Variants in LDB2 observed in about 807,000 individuals in gnomAD.
LDB2 encodes LIM domain-binding protein 2.
In LDB2, 12 loss-of-function variants were observed where a neutral mutation model predicts 44.3. The observed-to-expected ratio is 0.27, with a 90% confidence interval of 0.17 to 0.44. The LOEUF is 0.44. LDB2 is among the 20% of genes least tolerant of loss of function. The pLI, the probability that LDB2 is intolerant of heterozygous loss-of-function variation, is 1.00. For synonymous variants in LDB2, 164 were observed against 174.8 expected, an observed-to-expected ratio of 0.94 and a Z score of 0.49; for missense variants, 344 against 473.5, an observed-to-expected ratio of 0.73 and a Z score of 2.54.
intron 1 of LDB2, 24 bp from the exon 2 acceptor site, chr4:16,759,284 T>A (rs747751985): frequency 1.3e-6 from 2 of 1,499,320 alleles, no homozygotes; most frequent in South Asian, 1.1e-5. Context: ...GATCATTTAT[T>A]TAACAAGGGA....
intron 1 of LDB2, among the ~76,000 whole-genome samples, chr4:16,872,593 A>C (rs1717041584): frequency 6.6e-6 from 1 of 152,224 alleles, no homozygotes; most frequent in African/African-American, 2.4e-5. Flanking sequence ...GATACTTAAC[A>C]ACAAAAAAAA....
intron 2 of LDB2, among the ~76,000 whole-genome samples, chr4:16,715,142 T>C (rs144597418): frequency 0.011 from 1,678 of 152,274 alleles, 31 homozygotes; most frequent in African/African-American, 0.037. Context: ...TTGTATTGTA[T>C]GCATTTTACC....
chr4:16,829,897 G>A (rs566317049), intron 1 of LDB2, among the ~76,000 whole-genome samples: 2 of 152,206 alleles, frequency 1.3e-5, no homozygotes, highest in East Asian at 3.9e-4. Context: ...ACGAGGTCAA[G>A]AGATTGAGAC....
At chr4:16,518,913 C>A (rs564402374) in intron 5 of LDB2, among the ~76,000 whole-genome samples, 1 of 152,302 alleles carries the variant, frequency 6.6e-6, no homozygotes, top group East Asian at 1.9e-4. Flanking sequence ...CAGTCGCCCA[C>A]ACTAAGTCAC....
chr4:16,673,698 A>G (rs1745505780), intron 2 of LDB2, among the ~76,000 whole-genome samples: 1 of 152,110 alleles, frequency 6.6e-6, no homozygotes, highest in Non-Finnish European at 1.5e-5. Flanking sequence ...GGTTGCCACA[A>G]TTGATGGGGT....
rs557635361 is a variant in LDB2, at chr4:16,777,903, A to G, written c.133-18643T>C. Among the ~76,000 whole-genome samples the G allele has an allele frequency of 3.9e-5, 6 of 152,234 alleles. No individual in the cohort carries two copies. In the South Asian group the frequency reaches 1.2e-3, roughly 32 times the overall value. On this transcript the variant is annotated intron_variant, in intron 1 of 7. Transcript: ENST00000304523. ...TATCACTTTCTTTTCTTTCTCTTGG[A>G]AGCTTACCAACGCCTGACTGGGATT...
chr4:16,565,694 A>T (rs527482048), intron 5 of LDB2, among the ~76,000 whole-genome samples: 1 of 152,126 alleles, frequency 6.6e-6, no homozygotes, highest in East Asian at 1.9e-4. Flanking sequence ...ACTTAGTAAA[A>T]TCATTGTTAT....
intron 5 of LDB2, among the ~76,000 whole-genome samples, chr4:16,575,081 A>C (rs1007400130): frequency 1.3e-5 from 2 of 152,170 alleles, no homozygotes; most frequent in South Asian, 2.1e-4. Context: ...TGACACCAAC[A>C]ATTTGAACAT....
intron 7 of LDB2, 133 bp downstream of exon 7, chr4:16,508,401 CT>C: frequency 2.5e-6 from 2 of 788,698 alleles, no homozygotes; most frequent in Middle Eastern, 8.0e-4. Flanking sequence ...CTGTCCCTGT[CT>C]TTTATCCCTC....
chr4:16,569,191 A>G (rs1484313960), intron 5 of LDB2, among the ~76,000 whole-genome samples: 2 of 152,212 alleles, frequency 1.3e-5, no homozygotes, highest in East Asian at 1.9e-4. Context: ...AGGATAAAAA[A>G]TAACTTCTTC....
chr4:16,546,566 A>C (rs1468612859), intron 5 of LDB2, among the ~76,000 whole-genome samples: 2 of 152,198 alleles, frequency 1.3e-5, no homozygotes, highest in Non-Finnish European at 2.9e-5. Context: ...GCTATTGTGC[A>C]TACTGCCACT....
intron 2 of LDB2, chr4:16,674,385 G>T: frequency 1.5e-6 from 1 of 679,960 alleles, no homozygotes; most frequent in Non-Finnish European, 2.3e-6. Context: ...TGGAGGCGGT[G>T]TTAGAAGCAG....
At chr4:16,821,772 C>CAAAAAAAAAAAAAAA (rs1579985583) in intron 1 of LDB2, among the ~76,000 whole-genome samples, 8 of 43,822 alleles carry the variant, frequency 1.8e-4, no homozygotes, top group African/African-American at 3.4e-4. Context: ...AAAAAAAAAT[C>CAAAAAAAAAAAAAAA]AGGAATTTAT....
chr4:16,578,687 A>G (rs1195718305), intron 5 of LDB2, among the ~76,000 whole-genome samples: 1 of 152,060 alleles, frequency 6.6e-6, no homozygotes, highest in Admixed American at 6.6e-5. Flanking sequence ...CAGCAATCCA[A>G]CTCCATTCCT....
intron 1 of LDB2, among the ~76,000 whole-genome samples, chr4:16,880,260 A>C (rs1372105103): frequency 6.6e-6 from 1 of 152,190 alleles, no homozygotes; most frequent in Non-Finnish European, 1.5e-5. Context: ...GTTCTGGGTG[A>C]CTAAATTAAA....
chr4:16,858,521 G>A (rs1789837093), intron 1 of LDB2, among the ~76,000 whole-genome samples: 1 of 152,164 alleles, frequency 6.6e-6, no homozygotes, highest in South Asian at 2.1e-4. Flanking sequence ...AACGCTGCTT[G>A]GGAAGGGTGT....
chr4:16,580,751 T>A (rs142722137), intron 5 of LDB2, among the ~76,000 whole-genome samples: 3 of 152,164 alleles, frequency 2.0e-5, no homozygotes, highest in African/African-American at 7.2e-5. Flanking sequence ...TTACAGGAGA[T>A]AAATGAACAT....
intron 1 of LDB2, among the ~76,000 whole-genome samples, chr4:16,777,665 A>C (rs1178635452): frequency 6.6e-6 from 1 of 152,094 alleles, no homozygotes; most frequent in Non-Finnish European, 1.5e-5. Context: ...TCCACTCCTT[A>C]ATACCTGTGT....
chr4:16,844,584 T>C (rs1786583165), intron 1 of LDB2, among the ~76,000 whole-genome samples: 1 of 152,228 alleles, frequency 6.6e-6, no homozygotes, highest in South Asian at 2.1e-4. Context: ...GGATACATCC[T>C]TAAAGCACAA....
Sources: gnomAD v4.1 joint callset for allele counts (sites outside exome capture counted in the v4.1 genomes callset) on GRCh38, gnomAD v4.1.1 for gene constraint, MANE v1.5 for transcripts, NCBI Gene and HGNC (gene_info 2026-07-23, HGNC 2026-07-21) for gene names.